LRRFIP1: variants seen among roughly 807,000 people sequenced by gnomAD.
LRRFIP1 encodes leucine-rich repeat flightless-interacting protein 1.
LRRFIP1 carries 62 observed loss-of-function variants against 104.4 expected under a neutral mutation model. That is an observed-to-expected ratio of 0.59 (90% confidence interval 0.48 to 0.73). The LOEUF (loss-of-function observed/expected upper bound fraction) is 0.73, where lower values mean the gene tolerates loss of function less well. LRRFIP1 is among the 30% of genes least tolerant of loss of function. The pLI is 0.00. For missense variants in LRRFIP1, 796 were observed against 824.5 expected (o/e 0.97, Z 0.42); for synonymous variants, 300 against 299.0 (o/e 1.00, Z -0.03).
At chr2:237,667,760 G>A (rs554480978) in intron 1 of LRRFIP1, among the ~76,000 whole-genome samples, 13 of 152,210 alleles carry the variant, frequency 8.5e-5, no homozygotes, top group Middle Eastern at 3.4e-3. Context: ...GGATCCTGAC[G>A]TGAAATGGCC....
At chr2:237,646,621 G>A (rs1391324634) in intron 1 of LRRFIP1, among the ~76,000 whole-genome samples, 2 of 151,860 alleles carry the variant, frequency 1.3e-5, no homozygotes, top group African/African-American at 4.8e-5. Flanking sequence ...AAGTAATTAA[G>A]GTTAAATGAG....
chr2:237,704,346 G>T (rs2093700080), intron 1 of LRRFIP1, among the ~76,000 whole-genome samples: 1 of 151,868 alleles, frequency 6.6e-6, no homozygotes, highest in South Asian at 2.1e-4. Context: ...TAGAGACAGG[G>T]TTTCACCATG....
rs374224858 is a variant in LRRFIP1, at chr2:237,748,413, C to T, written c.669+14C>T. 1 of 1,597,682 alleles carries T rather than the reference C, an allele frequency of 6.3e-7. No homozygotes were observed. The highest frequency in any genetic ancestry group is 1.4e-5 in the African/African-American group (1 of 73,488). ...TTTACTGAGAAGGTAAGGAATCGTTCATAAACCTAGAGGGTCCCAAAAGTT... is the reference window on the plus strand; with the variant it reads ...TTTACTGAGAAGGTAAGGAATCGTTTATAAACCTAGAGGGTCCCAAAAGTT... On this transcript the variant is annotated intron_variant, in intron 12 of 23. Coordinates refer to ENST00000308482, the MANE Select transcript of LRRFIP1 (RefSeq NM_001137550.2).
chr2:237,661,262 G>A lies in LRRFIP1; in HGVS notation c.96+33522G>A, dbSNP rs6431553. Among the ~76,000 whole-genome samples the A allele has an allele frequency of 0.18, 27,119 of 152,114 alleles. 3,933 individuals are homozygous for A. The highest frequency in any genetic ancestry group is 0.4 in the African/African-American group (16,587 of 41,452). On this transcript the variant is annotated intron_variant, in intron 1 of 23. Transcript: ENST00000308482. This position sits in a 1 kb window ranked among gnomAD's most constrained non-coding sequence, Gnocchi z 4.4. ...TGATGATTCTCCCTCTGCCTTGGAG[G>A]CTTGGCTTCCCCTGGCTGCTGCTAA...
At chr2:237,724,796 C>G (rs2094677969) in intron 7 of LRRFIP1, among the ~76,000 whole-genome samples, 1 of 152,144 alleles carries the variant, frequency 6.6e-6, no homozygotes, top group South Asian at 2.1e-4. Flanking sequence ...TGGTCAGGAA[C>G]ACATTTTGGA....
At chr2:237,646,539 C>T (rs939904798) in intron 1 of LRRFIP1, among the ~76,000 whole-genome samples, 2 of 151,920 alleles carry the variant, frequency 1.3e-5, no homozygotes, top group African/African-American at 2.4e-5. Flanking sequence ...ATGTTTGCCC[C>T]CACAAGCCCG....
chr2:237,722,516 C>T (rs1384819405), intron 6 of LRRFIP1, among the ~76,000 whole-genome samples: 5 of 152,118 alleles, frequency 3.3e-5, no homozygotes, highest in Non-Finnish European at 7.3e-5. Flanking sequence ...CTGCTGGACA[C>T]CACTCTTTGC....
chr2:237,713,769 T>G (rs900689303), intron 2 of LRRFIP1, among the ~76,000 whole-genome samples: 7 of 152,248 alleles, frequency 4.6e-5, no homozygotes. Context: ...TCTGTTATAT[T>G]CTAATGATCA....
chr2:237,735,857 A>G lies in LRRFIP1; in HGVS notation c.555+524A>G, dbSNP rs2095227570. ...ACATTTGTGAATGAATGCGTGAGAA[A>G]AGCAACAAGGTAGAAAAATGAGATG... On this transcript the variant is annotated intron_variant, in intron 10 of 23. Coordinates refer to ENST00000308482, the MANE Select transcript of LRRFIP1 (RefSeq NM_001137550.2). This position sits in a 1 kb window ranked among gnomAD's most constrained non-coding sequence, Gnocchi z 4.6. Among the ~76,000 whole-genome samples the G allele has an allele frequency of 1.3e-5, 2 of 152,228 alleles. No homozygotes were observed. The highest frequency in any genetic ancestry group is 4.8e-5 in the African/African-American group (2 of 41,454).
intron 19 of LRRFIP1, 57 bp from the exon 20 acceptor site, chr2:237,769,886 T>G: frequency 8.0e-7 from 1 of 1,256,574 alleles, no homozygotes; most frequent in Non-Finnish European, 1.1e-6. Flanking sequence ...TTTAGCAATG[T>G]GCTGAAAGGC....
intron 20 of LRRFIP1, among the ~76,000 whole-genome samples, chr2:237,771,563 C>CT (rs1185537533): frequency 1.1e-5 from 1 of 92,722 alleles, no homozygotes; most frequent in Non-Finnish European, 2.1e-5. Context: ...CCCCCCCCCC[C>CT]CCGCCCAGAT....
chr2:237,643,978 A>G (rs1368479102), intron 1 of LRRFIP1, among the ~76,000 whole-genome samples: 2 of 152,198 alleles, frequency 1.3e-5, no homozygotes, highest in Non-Finnish European at 2.9e-5. Flanking sequence ...TCCTTCATGT[A>G]ATAAGATATA....
At chr2:237,648,715 C>T (rs1214774886) in intron 1 of LRRFIP1, among the ~76,000 whole-genome samples, 3 of 151,474 alleles carry the variant, frequency 2.0e-5, no homozygotes, top group South Asian at 2.1e-4. Context: ...CCACCCACCC[C>T]CAGCCCAGCC....
At chr2:237,712,916 G>A (rs1171709236) in intron 2 of LRRFIP1, among the ~76,000 whole-genome samples, 1 of 152,202 alleles carries the variant, frequency 6.6e-6, no homozygotes, top group African/African-American at 2.4e-5. Flanking sequence ...GTTGATTAAG[G>A]GGAAATGAAT....
At chr2:237,640,556 C>T (rs2083789734) in intron 1 of LRRFIP1, among the ~76,000 whole-genome samples, 1 of 152,104 alleles carries the variant, frequency 6.6e-6, no homozygotes, top group Non-Finnish European at 1.5e-5. Flanking sequence ...GGACCACCCC[C>T]CAGATGAGAA....
chr2:237,656,493 A>C (rs2086835224), intron 1 of LRRFIP1, among the ~76,000 whole-genome samples: 1 of 152,224 alleles, frequency 6.6e-6, no homozygotes. Flanking sequence ...GCAACTGTAT[A>C]GGTAGGATTT....
chr2:237,687,114 G>A (rs1371762313), intron 1 of LRRFIP1, among the ~76,000 whole-genome samples: 1 of 152,218 alleles, frequency 6.6e-6, no homozygotes. Context: ...CCATCATGAT[G>A]TGCTAAGGGC....
At chr2:237,702,385 T>TGGCCAGGATGGGTGGGATCCCA (rs1330552670) in intron 1 of LRRFIP1, among the ~76,000 whole-genome samples, 5 of 152,164 alleles carry the variant, frequency 3.3e-5, no homozygotes, top group Non-Finnish European at 7.3e-5. Flanking sequence ...GTGGGGTCCC[T>TGGCCAGGATGGGTGGGATCCCA]GGCCAGGATG....
Position 237,702,249 on chromosome 2 carries a change from T to TGGTTC in LRRFIP1, c.97-6292_97-6288dup, listed in dbSNP as rs747271137. Among the ~76,000 whole-genome samples, 8 of 151,956 alleles carry TGGTTC rather than the reference T, an allele frequency of 5.3e-5. No individual in the cohort carries two copies. The East Asian group carries it at 1.0e-3, about 20-fold the overall frequency. On this transcript the variant is annotated intron_variant, in intron 1 of 23. Transcript: ENST00000308482. The stretch of plus-strand genomic sequence containing the variant: ...AGACGCAACAATAGAACTCGAGTCG[T>TGGTTC]GGTTCGGCTTTCTAGGATTAGGACA...
Sources: gnomAD v4.1 joint callset for allele counts (sites outside exome capture counted in the v4.1 genomes callset) on GRCh38, gnomAD v4.1.1 for gene constraint, Gnocchi (gnomAD v3.1) non-coding constraint, MANE v1.5 for transcripts, NCBI Gene and HGNC (gene_info 2026-07-23, HGNC 2026-07-21) for gene names.